CARMIL2: variants seen among roughly 807,000 people sequenced by gnomAD.
CARMIL2 encodes the protein capping protein, Arp2/3 and myosin-I linker protein 2.
In CARMIL2, 96 loss-of-function variants were observed where a neutral mutation model predicts 173.3. The ratio of observed to expected loss-of-function variants is 0.55; its 90% CI spans 0.47 to 0.66. The LOEUF (loss-of-function observed/expected upper bound fraction) is 0.66, where lower values mean the gene tolerates loss of function less well. Ranked by LOEUF, CARMIL2 falls within the 30% of genes least tolerant of loss-of-function variation. The pLI is 0.00. For missense variants in CARMIL2, 1,771 were observed against 1,906.7 expected (o/e 0.93, Z 1.33); for synonymous variants, 830 against 817.1 (o/e 1.02, Z -0.27).
In CARMIL2 at chr16:67,648,089, C is replaced by A. The variant is rs903777283; in HGVS notation, c.1109C>A (p.Ser370Ter). 5.6e-6 allele frequency: 9 copies of A among 1,612,718 alleles called. No homozygotes were observed. Among genetic ancestry groups the A allele is most frequent in the Non-Finnish European group, 6.8e-6 (8 of 1,179,526 alleles). The change falls in exon 14 of 38, where the codon TCG (serine) becomes TAG (stop). Residue 370 changes from serine to a stop codon, truncating the protein, a stop_gained. Transcript: ENST00000334583. LOFTEE classifies it high-confidence loss of function. This position sits in a 1 kb window ranked among gnomAD's most constrained non-coding sequence, Gnocchi z 6.1. ...TTCCTGAGCCGTCCTAACGTACTGTCGTTCCTGAATCTCGCAGGCACCGAC... is the reference window on the plus strand; with the variant it reads ...TTCCTGAGCCGTCCTAACGTACTGTAGTTCCTGAATCTCGCAGGCACCGAC... ...YSFLSRPNVLSFLNLAGTDTA... is the reference protein window; with the variant it reads ...YSFLSRPNVL
In CARMIL2 at chr16:67,648,811, G is replaced by C. The variant is rs1214937011; in HGVS notation, c.1509+57G>C. ...TTGGGAGAGGCGCTGGGAGGCGGAA[G>C]GGCAGGGCCGTGGGCCGCCTGCCCC... On this transcript the variant is annotated intron_variant, in intron 16 of 37. Coordinates refer to ENST00000334583, the MANE Select transcript of CARMIL2 (RefSeq NM_001013838.3). The surrounding 1 kb of genome is among the most constrained non-coding windows in gnomAD (Gnocchi z 6.1). 1 of 1,566,814 alleles carries C rather than the reference G, an allele frequency of 6.4e-7. No homozygotes were observed. The highest frequency in any genetic ancestry group is 8.6e-7 in the Non-Finnish European group (1 of 1,156,124).
In CARMIL2 at chr16:67,647,289, T is replaced by G. The variant is rs1244596054; in HGVS notation, c.688-10T>G. The G allele has an allele frequency of 6.2e-7, 1 of 1,608,126 alleles. No individual in the cohort carries two copies. ...GTGCAGCCCGTGAGCCGCCGCCCTC[T>G]GCTTCTCAGAGCCTTGAGGTCTCAG... On this transcript the variant is annotated splice_polypyrimidine_tract_variant and intron_variant, in intron 9 of 37. Coordinates refer to ENST00000334583, the MANE Select transcript of CARMIL2 (RefSeq NM_001013838.3).
At chr16:67,645,384 CCTCCCTG>C (rs1165177031) in intron 1 of CARMIL2, 98 bp downstream of exon 1, 1 of 1,421,906 alleles carries the variant, frequency 7.0e-7, no homozygotes, top group Non-Finnish European at 9.7e-7. Context: ...GGTCAGAGGT[CCTCCCTG>C]CTCCCCAGGA....
chr16:67,647,600 G>A lies in CARMIL2; in HGVS notation c.869G>A (p.Arg290Gln), dbSNP rs772527845. ...LSLAGNLLDD[R>Q]GMTALSRHLE... Reference sequence around the variant, plus strand: ...CTCGCGGGGAACCTGCTGGATGACCGAGGTATGACTGAGCCTGGGGACCGC... The same window carrying A: ...CTCGCGGGGAACCTGCTGGATGACCAAGGTATGACTGAGCCTGGGGACCGC... Residue 290 changes from arginine (R) to glutamine (Q), a missense_variant and splice_region_variant, in exon 11 of 38, where the codon CGA becomes CAA. Transcript: ENST00000334583. The A allele has an allele frequency of 9.9e-6, 16 of 1,609,538 alleles. No individual in the cohort carries two copies. Among genetic ancestry groups the A allele is most frequent in the African/African-American group, 5.3e-5 (4 of 74,838 alleles).
At chr16:67,655,717 T>G (rs2052833069) in intron 32 of CARMIL2, among the ~76,000 whole-genome samples, 1 of 152,196 alleles carries the variant, frequency 6.6e-6, no homozygotes, top group African/African-American at 2.4e-5. Flanking sequence ...CCCATGGTTC[T>G]TCCCTGACTC....
chr16:67,649,506 C>G lies in CARMIL2; in HGVS notation c.1806C>G (p.Leu602=), dbSNP rs1261768406. ...TGAAGCTGGGTGCCAGCGTCCTACT[C>G]CGGGCCCTAGCCACCAATCCTAACC... ...SRLKLGASVL[L]RALATNPNLT... The change falls in exon 20 of 38, where the codon CTC becomes CTG. Residue 602 remains leucine (L), a synonymous_variant. Transcript: ENST00000334583. This position sits in a 1 kb window ranked among gnomAD's most constrained non-coding sequence, Gnocchi z 6.7. The G allele has an allele frequency of 6.2e-7, 1 of 1,609,232 alleles. No homozygotes were observed. Among genetic ancestry groups the G allele is most frequent in the South Asian group, 1.1e-5 (1 of 91,084 alleles).
rs754269438 is a variant in CARMIL2 at position 67,648,511 on chromosome 16, C to T, written c.1439+9C>T. The stretch of plus-strand genomic sequence containing the variant: ...CCGCCCGACGCGCTCAGGTCAGTGT[C>T]GGACCCCGGCCACGCCCCCGCGGGC... On this transcript the variant is annotated intron_variant, in intron 15 of 37. Coordinates refer to ENST00000334583, the MANE Select transcript of CARMIL2 (RefSeq NM_001013838.3). This position sits in a 1 kb window ranked among gnomAD's most constrained non-coding sequence, Gnocchi z 6.1. The T allele has an allele frequency of 3.5e-4, 506 of 1,463,886 alleles. 4 individuals are homozygous for T. Among genetic ancestry groups the T allele is most frequent in the Middle Eastern group, 3.1e-3 (13 of 4,134 alleles). 90.7% of individuals were successfully genotyped at this position (1,463,886 alleles called of 1,614,324 possible).
intron 35 of CARMIL2, 41 bp downstream of exon 35, chr16:67,656,686 G>T: frequency 6.3e-7 from 1 of 1,576,000 alleles, no homozygotes. Flanking sequence ...CCTGGCCTCG[G>T]GGCTGGAGGA....
rs771622489 is a variant in CARMIL2 at position 67,657,525 on chromosome 16, C to T, written c.*7C>T. 3.7e-6 allele frequency: 6 copies of T among 1,613,676 alleles called. No homozygotes were observed. In the East Asian group the frequency reaches 1.3e-4, roughly 36 times the overall value. On this transcript the variant is annotated 3_prime_UTR_variant, in exon 38 of 38. Coordinates refer to ENST00000334583, the MANE Select transcript of CARMIL2 (RefSeq NM_001013838.3). The surrounding 1 kb of genome is among the most constrained non-coding windows in gnomAD (Gnocchi z 4.5). ...CGGCGGCCCCAATCCCTGATCCTCT[C>T]CTCTCCTGCCGCATGAGATTATTTT...
Position 67,649,047 on chromosome 16 carries a change from G to A in CARMIL2, c.1592-29G>A, listed in dbSNP as rs1480646231. On this transcript the variant is annotated intron_variant, in intron 17 of 37. Transcript: ENST00000334583. The surrounding 1 kb of genome is among the most constrained non-coding windows in gnomAD (Gnocchi z 6.7). The stretch of plus-strand genomic sequence containing the variant: ...ATCCCCACCCTACCCTTGCAACTTC[G>A]CCTCGTGCGTGACCCGAGTCACCCC... 2 of 1,607,222 alleles carry A rather than the reference G, an allele frequency of 1.2e-6. No homozygotes were observed. Among genetic ancestry groups the A allele is most frequent in the East Asian group, 2.2e-5 (1 of 44,616 alleles).
rs1333204845 is a variant in CARMIL2 at position 67,649,659 on chromosome 16, C to T, written c.1919+40C>T. ...AGGGGTGGGACCAGCGGGCAGGGGG[C>T]GCGGTGGAGAGGAGGGCACCGGGCT... is the stretch of plus-strand genomic sequence containing the variant. On this transcript the variant is annotated intron_variant, in intron 20 of 37. Coordinates refer to ENST00000334583, the MANE Select transcript of CARMIL2 (RefSeq NM_001013838.3). The surrounding 1 kb of genome is among the most constrained non-coding windows in gnomAD (Gnocchi z 6.7). The T allele has an allele frequency of 1.4e-6, 2 of 1,481,122 alleles. No homozygotes were observed. Among genetic ancestry groups the T allele is most frequent in the African/African-American group, 2.9e-5 (2 of 69,590 alleles). 91.7% of individuals were successfully genotyped at this position (1,481,122 alleles called of 1,614,324 possible). A position where few individuals can be genotyped will look rare whatever the true frequency, so the allele number is the denominator to read the frequency against.
intron 32 of CARMIL2, 138 bp downstream of exon 32, chr16:67,655,038 G>A: frequency 8.2e-7 from 1 of 1,225,782 alleles, no homozygotes; most frequent in Non-Finnish European, 1.1e-6. Context: ...AATGGTTACA[G>A]ATTCGACCTT....
chr16:67,648,629 G>A lies in CARMIL2; in HGVS notation c.1440-56G>A, dbSNP rs1041245128. 296 of 1,541,552 alleles carry A rather than the reference G, an allele frequency of 1.9e-4. No homozygotes were observed. In the East Asian group the frequency reaches 3.7e-3, roughly 20 times the overall value. On this transcript the variant is annotated intron_variant, in intron 15 of 37. Coordinates refer to ENST00000334583, the MANE Select transcript of CARMIL2 (RefSeq NM_001013838.3). This position sits in a 1 kb window ranked among gnomAD's most constrained non-coding sequence, Gnocchi z 6.1. ...GATCCTGGCCCTGCCTCCTTCGTTC[G>A]CACCCTGGAGCCCCCTGTCCCAGCT...
At position 67,656,591 on chromosome 16, in the gene CARMIL2, T is replaced by A. The variant is rs1212214259; in HGVS notation, c.3982T>A (p.Ser1328Thr). Residue 1328 changes from serine (S) to threonine (T), a missense_variant, in exon 35 of 38, where the codon TCC becomes ACC. Ser to Thr is a moderately conservative substitution (Grantham distance 58). Around this residue, in one of 3 missense-constraint regions of CARMIL2, gnomAD observed 817 missense variants for 903.5 expected, o/e 0.90. Transcript: ENST00000334583. ...QSPSPCRTSP[S>T]PDSLGLPEDP... The stretch of plus-strand genomic sequence containing the variant: ...CCCAAGTCCCTGCAGAACCAGCCCC[T>A]CCCCAGACAGCCTGGGCCTCCCAGA... 1.9e-6 allele frequency: 3 copies of A among 1,610,692 alleles called. No homozygotes were observed. Among genetic ancestry groups the A allele is most frequent in the Non-Finnish European group, 2.5e-6 (3 of 1,178,540 alleles).
Position 67,656,225 on chromosome 16 carries a change from C to T in CARMIL2, c.3743-3C>T. ...TACCTGAGTCCCCAGCTCCGCCTTG[C>T]AGGTGACATTATGGACAGTTCCACG... On this transcript the variant is annotated splice_region_variant and splice_polypyrimidine_tract_variant and intron_variant, in intron 33 of 37. Transcript: ENST00000334583. The T allele has an allele frequency of 6.2e-7, 1 of 1,613,938 alleles. No homozygotes were observed. The highest frequency in any genetic ancestry group is 1.1e-5 in the South Asian group (1 of 91,086).
chr16:67,651,929 G>T lies in CARMIL2; in HGVS notation c.2597G>T (p.Arg866Leu). The change falls in exon 26 of 38, where the codon CGG (arginine) becomes CTG (leucine). Residue 866 changes from arginine to leucine, a missense_variant. This residue lies in a region of CARMIL2 where 817 missense variants were observed against 903.5 expected (regional missense o/e 0.90). Transcript: ENST00000334583. The surrounding 1 kb of genome is among the most constrained non-coding windows in gnomAD (Gnocchi z 4.2). Reference protein sequence around the residue: ...QDAFTRLRDMRLSITGTLAES... With the variant: ...QDAFTRLRDMLLSITGTLAES... ...TCCTCTCCTGCCCTTAGGGACATGC[G>T]GCTATCAATCACGGGGACCTTGGCA... 1.9e-6 allele frequency: 3 copies of T among 1,613,528 alleles called. No individual in the cohort carries two copies. The highest frequency in any genetic ancestry group is 2.5e-6 in the Non-Finnish European group (3 of 1,179,850).
At chr16:67,656,916 A>G in intron 36 of CARMIL2, 35 bp downstream of exon 36, 1 of 1,484,704 alleles carries the variant, frequency 6.7e-7, no homozygotes, top group Non-Finnish European at 9.1e-7. Flanking sequence ...GCTTGAATGC[A>G]GGAGATGTGG....
chr16:67,656,546 C>T lies in CARMIL2; in HGVS notation c.3937C>T (p.Pro1313Ser). The change falls in exon 35 of 38, where the codon CCT (proline) becomes TCT (serine). Residue 1313 changes from proline (P) to serine (S), a missense_variant. By Grantham distance (74) the Pro-to-Ser change is moderately conservative (BLOSUM62 -1). Around this residue, in one of 3 missense-constraint regions of CARMIL2, gnomAD observed 817 missense variants for 903.5 expected, o/e 0.90. Transcript: ENST00000334583. ...TTGGGGCCAACAGGATGGTCCAGGC[C>T]CTCCCTCCCCTGGTCAAAGCCCAAG... Reference protein sequence around the residue: ...RGWGQQDGPGPPSPGQSPSPC... With the variant: ...RGWGQQDGPGSPSPGQSPSPC... 6.2e-7 allele frequency: 1 copy of T among 1,613,374 alleles called. No individual in the cohort carries two copies. The highest frequency in any genetic ancestry group is 8.5e-7 in the Non-Finnish European group (1 of 1,179,820).
Position 67,648,448 on chromosome 16 carries a change from G to C in CARMIL2, c.1385G>C (p.Arg462Pro), listed in dbSNP as rs1420024920. Residue 462 changes from arginine (R) to proline (P), a missense_variant, in exon 15 of 38, where the codon CGG becomes CCG. Arg to Pro is a moderately radical substitution (Grantham distance 103). Coordinates refer to ENST00000334583, the MANE Select transcript of CARMIL2 (RefSeq NM_001013838.3). The surrounding 1 kb of genome is among the most constrained non-coding windows in gnomAD (Gnocchi z 6.1). ...AALQLFLSRA[R>P]TLRHLGLAGC... ...CTGCAGCTCTTCCTCAGCCGCGCGC[G>C]GACGCTGCGGCACCTGGGCCTGGCG... The C allele has an allele frequency of 4.1e-6, 6 of 1,467,926 alleles. No homozygotes were observed. Among genetic ancestry groups the C allele is most frequent in the Admixed American group, 2.6e-5 (1 of 37,766 alleles). 90.9% of individuals were successfully genotyped at this position (1,467,926 alleles called of 1,614,324 possible).
Sources: allele counts gnomAD v4.1 joint callset (sites outside exome capture counted in the v4.1 genomes callset), GRCh38; gene constraint gnomAD v4.1.1; regional missense constraint gnomAD v4.1.1; non-coding constraint Gnocchi (gnomAD v3.1); transcripts MANE v1.5; gene names NCBI Gene and HGNC (gene_info 2026-07-23, HGNC 2026-07-21).